Variants in GALK2 observed in about 807,000 individuals in gnomAD.
GALK2 encodes the protein galactokinase 2.
In GALK2, 36 loss-of-function variants were observed where a neutral mutation model predicts 52.4. The ratio of observed to expected loss-of-function variants is 0.69; its 90% CI spans 0.53 to 0.91. The LOEUF is 0.91. Ranked by LOEUF, GALK2 falls within the 40% of genes least tolerant of loss-of-function variation. The probability of loss-of-function intolerance (pLI) is 0.00; values close to 1 mark genes in which losing one functional copy is unlikely to be tolerated. For missense variants in GALK2, 579 were observed against 559.1 expected (o/e 1.04, Z -0.36); for synonymous variants, 176 against 199.1 (o/e 0.88, Z 0.98).
chr15:49,277,561 G>T (rs1007674632), intron 5 of GALK2, among the ~76,000 whole-genome samples: 2 of 148,430 alleles, frequency 1.3e-5, no homozygotes, highest in Non-Finnish European at 3.0e-5. Flanking sequence ...ACTTTGGGAG[G>T]CCGAGGCGGG....
intron 3 of GALK2, among the ~76,000 whole-genome samples, chr15:49,342,568 C>G (rs1338915073): frequency 1.3e-5 from 2 of 152,122 alleles, no homozygotes; most frequent in Admixed American, 6.6e-5. Context: ...TTGGTGCTAT[C>G]GTGAAGTTGT....
chr15:49,246,979 G>T (rs2091382430), intron 5 of GALK2, among the ~76,000 whole-genome samples: 1 of 152,196 alleles, frequency 6.6e-6, no homozygotes. Context: ...GTATGAGAAA[G>T]ATAATGAAGA....
At chr15:49,292,908 G>A (rs2034085617) in intron 8 of GALK2, among the ~76,000 whole-genome samples, 1 of 152,122 alleles carries the variant, frequency 6.6e-6, no homozygotes, top group Non-Finnish European at 1.5e-5. Context: ...ACTATAAAGT[G>A]TTCACGTCTT....
At chr15:49,165,837 C>T (rs2084802883), upstream of GALK2, among the ~76,000 whole-genome samples, 1 of 141,908 alleles carries the variant, frequency 7.0e-6, no homozygotes, top group Non-Finnish European at 1.5e-5. Flanking sequence ...GAGTCTTGCT[C>T]TGTCACCCAG....
At chr15:49,322,588 T>C (rs1425060843) in intron 9 of GALK2, among the ~76,000 whole-genome samples, 1 of 152,196 alleles carries the variant, frequency 6.6e-6, no homozygotes, top group South Asian at 2.1e-4. Context: ...CCTTCCCTCC[T>C]TCAATCAATA....
chr15:49,161,490 ACTCT>A (rs920028887), intron 1 of GALK2, among the ~76,000 whole-genome samples: 1 of 152,112 alleles, frequency 6.6e-6, no homozygotes, highest in Non-Finnish European at 1.5e-5. Flanking sequence ...CCGTTAAGAT[ACTCT>A]CTTTTATTTT....
chr15:49,225,182 A>G (rs1453847297), intron 3 of GALK2: 1 of 455,704 alleles, frequency 2.2e-6, no homozygotes, highest in African/African-American at 2.0e-5. Flanking sequence ...ACTGGCACTG[A>G]TCCTGTCTTT....
chr15:49,291,220 C>T (rs1276294460), intron 7 of GALK2, among the ~76,000 whole-genome samples: 3 of 151,666 alleles, frequency 2.0e-5, no homozygotes, highest in Non-Finnish European at 2.9e-5. Context: ...ATAATTGAAC[C>T]GAAAATCATA....
chr15:49,228,687 A>T (rs1049068667), intron 3 of GALK2, among the ~76,000 whole-genome samples: 1,975 of 14,272 alleles, frequency 0.14, 520 homozygotes, highest in South Asian at 0.22. Flanking sequence ...ATATATATAT[A>T]TTTTTTTTTT....
At chr15:49,268,865 C>G (rs1010457993) in intron 5 of GALK2, among the ~76,000 whole-genome samples, 1 of 152,230 alleles carries the variant, frequency 6.6e-6, no homozygotes, top group African/African-American at 2.4e-5. Flanking sequence ...TTACTTCCCT[C>G]TCCTTTGAGC....
At position 49,282,084 on chromosome 15, in the gene GALK2, C is replaced by A; in HGVS notation, c.602C>A (p.Thr201Asn). The A allele has an allele frequency of 6.2e-7, 1 of 1,603,678 alleles. No homozygotes were observed. Among genetic ancestry groups the A allele is most frequent in the Non-Finnish European group, 8.5e-7 (1 of 1,172,198 alleles). The stretch of plus-strand genomic sequence containing the variant: ...ATATCATTTCTTGCAGAAGAAGGAA[C>A]TGTAGGTAGCATTCCAAGTAGGAAC... ...QSISFLAEEG[T>N]AKLIEFSPLR... The change falls in exon 6 of 10, where the codon ACT becomes AAT. Residue 201 changes from threonine (T) to asparagine (N), a missense_variant and splice_region_variant. Coordinates refer to ENST00000560031, the MANE Select transcript of GALK2 (RefSeq NM_002044.4).
At chr15:49,350,785 C>G (rs2042128561) in intron 3 of GALK2, among the ~76,000 whole-genome samples, 1 of 152,154 alleles carries the variant, frequency 6.6e-6, no homozygotes, top group African/African-American at 2.4e-5. Flanking sequence ...CTTTTCCTTT[C>G]CTAACAGTGC....
intron 1 of GALK2, among the ~76,000 whole-genome samples, chr15:49,197,114 T>C (rs1035202412): frequency 6.6e-6 from 1 of 152,232 alleles, no homozygotes; most frequent in Non-Finnish European, 1.5e-5. Context: ...AAGAAAGGTA[T>C]CCTTCTATGC....
intron 3 of GALK2, among the ~76,000 whole-genome samples, chr15:49,341,925 T>C (rs1387947387): frequency 1.3e-5 from 2 of 152,224 alleles, no homozygotes; most frequent in Admixed American, 1.3e-4. Flanking sequence ...TTTTTTTGAA[T>C]TTATCAAAAC....
At chr15:49,320,427 G>C (rs1362242308) in intron 9 of GALK2, among the ~76,000 whole-genome samples, 1 of 152,182 alleles carries the variant, frequency 6.6e-6, no homozygotes, top group East Asian at 1.9e-4. Context: ...CCTAAAATCA[G>C]CTTTCCTAAA....
intron 8 of GALK2, among the ~76,000 whole-genome samples, chr15:49,315,176 G>A (rs746301924): frequency 6.6e-6 from 1 of 152,122 alleles, no homozygotes; most frequent in African/African-American, 2.4e-5. Flanking sequence ...AGACTATGAC[G>A]TATATCCCGC....
chr15:49,210,816 G>C (rs1310431518), intron 2 of GALK2, among the ~76,000 whole-genome samples: 2 of 151,748 alleles, frequency 1.3e-5, no homozygotes, highest in East Asian at 3.9e-4. Context: ...GCACGATCTT[G>C]GCTCACTGCA....
chr15:49,170,861 T>A (rs2085029939), intron 1 of GALK2, among the ~76,000 whole-genome samples: 1 of 152,080 alleles, frequency 6.6e-6, no homozygotes, highest in African/African-American at 2.4e-5. Context: ...TTGCTGGCAG[T>A]CCCTAGCTAC....
Position 49,262,562 on chromosome 15 carries a change from A to G in GALK2, c.505-19425A>G, listed in dbSNP as rs904320425. On this transcript the variant is annotated intron_variant, in intron 5 of 9. Coordinates refer to ENST00000560031, the MANE Select transcript of GALK2 (RefSeq NM_002044.4). ...TTTTTGAAGGGTTTTTTGTGTCTCCATTTCCTTCAGTTCTGCTCTGATTTT... is the reference window on the plus strand; with the variant it reads ...TTTTTGAAGGGTTTTTTGTGTCTCCGTTTCCTTCAGTTCTGCTCTGATTTT... Among the ~76,000 whole-genome samples the G allele has an allele frequency of 4.5e-4, 69 of 151,940 alleles. 1 individual carries two copies. Among genetic ancestry groups the G allele is most frequent in the Non-Finnish European group, 1.3e-4 (9 of 67,982 alleles).
Sources: allele counts gnomAD v4.1 joint callset (sites outside exome capture counted in the v4.1 genomes callset), GRCh38; gene constraint gnomAD v4.1.1; transcripts MANE v1.5; gene names NCBI Gene and HGNC (gene_info 2026-07-23, HGNC 2026-07-21).